RALYL: variants seen among roughly 807,000 people sequenced by gnomAD.
RALYL encodes RALY RNA binding protein like.
Under a neutral mutation model 35.1 loss-of-function variants are expected in RALYL, and 29 were observed. The ratio of observed to expected loss-of-function variants is 0.83; its 90% CI spans 0.61 to 1.13. The LOEUF (loss-of-function observed/expected upper bound fraction) is 1.13. Among genes scored for constraint, RALYL ranks in the 50% most tolerant of loss-of-function variants. The probability of loss-of-function intolerance (pLI) is 0.00; values close to 1 mark genes in which losing one functional copy is unlikely to be tolerated. For missense variants in RALYL, 359 were observed against 360.4 expected, an observed-to-expected ratio of 1.00 and a Z score of 0.03; for synonymous variants, 120 against 127.6, an observed-to-expected ratio of 0.94 and a Z score of 0.40.
intron 4 of RALYL, among the ~76,000 whole-genome samples, chr8:84,840,842 T>C (rs200684413): frequency 5.9e-5 from 9 of 151,870 alleles, no homozygotes; most frequent in East Asian, 1.9e-4. Context: ...AATTTTCAAC[T>C]CAGAATTTCA....
intron 2 of RALYL, among the ~76,000 whole-genome samples, chr8:84,604,423 C>A (rs868402715): frequency 1.8e-4 from 27 of 152,130 alleles, no homozygotes; most frequent in African/African-American, 6.0e-4. Flanking sequence ...GAAGTTCCCT[C>A]CGTGCAACTG....
intron 1 of RALYL, among the ~76,000 whole-genome samples, chr8:84,443,004 G>A (rs1338772802): frequency 1.3e-5 from 2 of 152,138 alleles, no homozygotes; most frequent in Non-Finnish European, 2.9e-5. Flanking sequence ...TCATGAAGCT[G>A]TTGTGAAGGC....
intron 1 of RALYL, among the ~76,000 whole-genome samples, chr8:84,435,228 A>G (rs1169983280): frequency 6.6e-6 from 1 of 152,180 alleles, no homozygotes; most frequent in Non-Finnish European, 1.5e-5. Context: ...TAGCCTACAC[A>G]GATATTAGAA....
In RALYL at chr8:84,355,609, G is replaced by A. The variant is rs1027085011; in HGVS notation, c.-24+171185G>A. 8.6e-5 allele frequency among the ~76,000 whole-genome samples: 13 copies of A among 150,306 alleles called. 1 individual carries two copies. The highest frequency in any genetic ancestry group is 1.6e-4 in the Non-Finnish European group (11 of 67,722). The stretch of plus-strand genomic sequence containing the variant: ...TTGTATTTTAAAATGGTAAGTATGC[G>A]ATATAAAGAGAATGTGGTAGAGGGT... On this transcript the variant is annotated intron_variant, in intron 1 of 8. Coordinates refer to ENST00000521268, the MANE Select transcript of RALYL (RefSeq NM_173848.7).
chr8:84,578,107 A>G (rs368272843), intron 2 of RALYL, among the ~76,000 whole-genome samples: 68 of 152,204 alleles, frequency 4.5e-4, no homozygotes, highest in African/African-American at 1.6e-3. Flanking sequence ...CCAGGCACAG[A>G]GTGGCAAGGG....
At chr8:84,907,520 T>A (rs1439888416) in intron 8 of RALYL, among the ~76,000 whole-genome samples, 1 of 152,142 alleles carries the variant, frequency 6.6e-6, no homozygotes, top group East Asian at 1.9e-4. Context: ...CACAAATAAC[T>A]GATTTTAGAA....
intron 3 of RALYL, among the ~76,000 whole-genome samples, chr8:84,781,031 T>C (rs1238587451): frequency 1.3e-5 from 2 of 152,044 alleles, no homozygotes; most frequent in Non-Finnish European, 2.9e-5. Context: ...TCTAATTCTT[T>C]TTTGTATTTT....
intron 1 of RALYL, among the ~76,000 whole-genome samples, chr8:84,202,326 A>G (rs77851062): frequency 0.011 from 1,625 of 151,720 alleles, 36 homozygotes; most frequent in African/African-American, 0.038. Flanking sequence ...GATATAAAAC[A>G]TATAAAATCA....
At chr8:84,689,208 G>C in intron 2 of RALYL, among the ~76,000 whole-genome samples, 1 of 151,942 alleles carries the variant, frequency 6.6e-6, no homozygotes, top group African/African-American at 2.4e-5. Context: ...AGGTATATCT[G>C]CCAATGCTAT....
intron 2 of RALYL, among the ~76,000 whole-genome samples, chr8:84,583,063 A>T (rs893022832): frequency 6.6e-6 from 1 of 152,048 alleles, no homozygotes; most frequent in Non-Finnish European, 1.5e-5. Flanking sequence ...GATGATAGTG[A>T]TTTGGATCTT....
chr8:84,621,558 G>T (rs7460323), intron 2 of RALYL, among the ~76,000 whole-genome samples: 43,650 of 151,996 alleles, frequency 0.29, 6,957 homozygotes, highest in African/African-American at 0.42. Context: ...ACCTGTCTTC[G>T]GCGTCGCTCA....
intron 1 of RALYL, among the ~76,000 whole-genome samples, chr8:84,527,355 G>T (rs2058977083): frequency 6.6e-6 from 1 of 151,868 alleles, no homozygotes; most frequent in Admixed American, 6.6e-5. Flanking sequence ...TTTGACCAAG[G>T]GTTATCAATG....
At chr8:84,498,215 G>T (rs914258088) in intron 1 of RALYL, among the ~76,000 whole-genome samples, 1 of 151,900 alleles carries the variant, frequency 6.6e-6, no homozygotes, top group Non-Finnish European at 1.5e-5. Flanking sequence ...GTATAAATTT[G>T]AAATTTATAA....
At chr8:84,501,878 C>A (rs1200161806) in intron 1 of RALYL, among the ~76,000 whole-genome samples, 2 of 150,354 alleles carry the variant, frequency 1.3e-5, no homozygotes, top group Non-Finnish European at 3.0e-5. Flanking sequence ...TTATGTTATT[C>A]ATAAATAATA....
At chr8:84,310,978 C>T (rs1337826463) in intron 1 of RALYL, among the ~76,000 whole-genome samples, 7 of 121,180 alleles carry the variant, frequency 5.8e-5, no homozygotes, top group Admixed American at 1.9e-4. Context: ...ACCCGGGAAG[C>T]GGAGCTTGCA....
chr8:84,899,242 G>T (rs977518653), intron 8 of RALYL, among the ~76,000 whole-genome samples: 1 of 151,850 alleles, frequency 6.6e-6, no homozygotes, highest in Non-Finnish European at 1.5e-5. Flanking sequence ...CATCCATTTG[G>T]ATTTGCTTCT....
intron 4 of RALYL, among the ~76,000 whole-genome samples, chr8:84,838,086 A>G (rs1363153211): frequency 6.6e-6 from 1 of 152,168 alleles, no homozygotes; most frequent in Non-Finnish European, 1.5e-5. Flanking sequence ...GGATCACAGT[A>G]CCACTCTCAG....
At chr8:84,611,629 T>G (rs1336454284) in intron 2 of RALYL, among the ~76,000 whole-genome samples, 1 of 152,168 alleles carries the variant, frequency 6.6e-6, no homozygotes, top group Admixed American at 6.6e-5. Flanking sequence ...CTATTAATAT[T>G]TGTAAGTTAA....
chr8:84,680,532 A>T (rs548486857), intron 2 of RALYL, among the ~76,000 whole-genome samples: 1 of 152,240 alleles, frequency 6.6e-6, no homozygotes, highest in South Asian at 2.1e-4. Context: ...CTTTTTAATG[A>T]CTGCCATTCT....
Sources: allele counts gnomAD v4.1 joint callset (sites outside exome capture counted in the v4.1 genomes callset), GRCh38; gene constraint gnomAD v4.1.1; transcripts MANE v1.5; gene names NCBI Gene and HGNC (gene_info 2026-07-23, HGNC 2026-07-21).